The following LRRC24 variants were observed in gnomAD, a reference collection of about 807,000 sequenced individuals.
LRRC24 encodes leucine rich repeat containing 24, also known as leucine-rich repeat-containing protein 24.
LRRC24 carries 19 observed loss-of-function variants against 15.3 expected under a neutral mutation model. The ratio of observed to expected loss-of-function variants is 1.25; its 90% CI spans 0.87 to 1.83. The LOEUF is 1.83. Ranked by LOEUF, LRRC24 falls within the 40% of genes most tolerant of loss-of-function variation. The pLI is 0.00. For synonymous variants in LRRC24, 469 were observed against 359.6 expected (o/e 1.30, Z -3.44); for missense variants, 914 against 723.9 (o/e 1.26, Z -3.01).
At chr8:144,525,196 G>T in intron 1 of LRRC24, 163 bp from the exon 2 acceptor site, 4 of 445,066 alleles carry the variant, frequency 9.0e-6, no homozygotes, top group Non-Finnish European at 1.5e-5. Flanking sequence ...TTAAAGCTCT[G>T]GGGCATCAGG....
At position 144,524,649 on chromosome 8, in the gene LRRC24, C is replaced by G. The variant is rs1409127006; in HGVS notation, c.230G>C (p.Arg77Pro). The change falls in exon 3 of 5, where the codon CGC becomes CCC. Residue 77 changes from arginine to proline, a missense_variant. Transcript: ENST00000529415. ...GCTGTTGTTGTGCAGGTAGAGCCGG[C>G]GCAGAGCGGCGAGTGGCGCCAGGGC... ...PGALAPLAAL[R>P]RLYLHNNSLR... 2.0e-6 allele frequency: 3 copies of G among 1,502,966 alleles called. No homozygotes were observed. Among genetic ancestry groups the G allele is most frequent in the Non-Finnish European group, 2.6e-6 (3 of 1,135,632 alleles). The allele number at this position is 1,502,966 out of a possible 1,614,324, so 93.1% of individuals were successfully genotyped here.
Position 144,524,334 on chromosome 8 carries a change from C to T in LRRC24, c.439-56G>A, listed in dbSNP as rs553235565. The T allele has an allele frequency of 1.2e-4, 190 of 1,600,490 alleles. No individual in the cohort carries two copies. In the South Asian group the frequency reaches 2.0e-3, roughly 17 times the overall value. On this transcript the variant is annotated intron_variant, in intron 3 of 4. Coordinates refer to ENST00000529415, the MANE Select transcript of LRRC24 (RefSeq NM_001024678.4). The stretch of plus-strand genomic sequence containing the variant: ...AAGGGCGCCGAGGTTGGGGGCATGT[C>T]TCTCTTCTTACCAAGCTAGACTGGG...
Position 144,522,546 on chromosome 8 carries a change from A to C in LRRC24, c.1471T>G (p.Cys491Gly). 11 of 1,531,580 alleles carry C rather than the reference A, an allele frequency of 7.2e-6. No individual in the cohort carries two copies. The highest frequency in any genetic ancestry group is 8.8e-6 in the Non-Finnish European group (10 of 1,141,508). The allele number at this position is 1,531,580 out of a possible 1,614,324, so 94.9% of individuals were successfully genotyped here. The change falls in exon 5 of 5, where the codon TGC becomes GGC. Residue 491 changes from cysteine to glycine, a missense_variant. Physicochemically the swap from Cys to Gly is radical, Grantham distance 159 (BLOSUM62 -3). Transcript: ENST00000529415. ...AEGPAEAPAD[C>G]GPEQGAGPGL... The stretch of plus-strand genomic sequence containing the variant: ...GGCCCCGCCCCCTGTTCCGGGCCGC[A>C]GTCAGCGGGCGCCTCCGCCGGACCC...
At chr8:144,525,384 C>T (rs1022464431) in intron 1 of LRRC24, among the ~76,000 whole-genome samples, 2 of 152,220 alleles carry the variant, frequency 1.3e-5, no homozygotes, top group Admixed American at 1.3e-4. Context: ...AGGCAAGTGG[C>T]TGCTGCTTGG....
chr8:144,522,662 C>T lies in LRRC24; in HGVS notation c.1355G>A (p.Gly452Asp). The T allele has an allele frequency of 6.3e-7, 1 of 1,592,718 alleles. No individual in the cohort carries two copies. Among genetic ancestry groups the T allele is most frequent in the Non-Finnish European group, 8.5e-7 (1 of 1,171,082 alleles). Reference sequence around the variant, plus strand: ...CTCTAGCTGTGCGAACGTACAGGGGCCGTCCAAGTAGTCGTTGACGAACAG... The same window carrying T: ...CTCTAGCTGTGCGAACGTACAGGGGTCGTCCAAGTAGTCGTTGACGAACAG... ...GALFVNDYLD[G>D]PCTFAQLEEL... The change falls in exon 5 of 5, where the codon GGC becomes GAC. Residue 452 changes from glycine to aspartate, a missense_variant. Transcript: ENST00000529415.
rs764477885 is a variant in LRRC24 at position 144,522,668 on chromosome 8, AAGT to A, written c.1346_1348del (p.Tyr449del). On this transcript the variant is annotated inframe_deletion, in exon 5 of 5. Coordinates refer to ENST00000529415, the MANE Select transcript of LRRC24 (RefSeq NM_001024678.4). Reference sequence around the variant, plus strand: ...CTGTGCGAACGTACAGGGGCCGTCCAAGTAGTCGTTGACGAACAGCGCTCCCTC... The same window carrying A: ...CTGTGCGAACGTACAGGGGCCGTCCAAGTCGTTGACGAACAGCGCTCCCTC... 3.8e-6 allele frequency: 6 copies of A among 1,594,852 alleles called. No individual in the cohort carries two copies. The highest frequency in any genetic ancestry group is 1.7e-4 in the Middle Eastern group (1 of 6,014).
Position 144,524,601 on chromosome 8 carries a change from G to T in LRRC24, c.278C>A (p.Ala93Asp), listed in dbSNP as rs1564825563. 10 of 1,528,674 alleles carry T rather than the reference G, an allele frequency of 6.5e-6. No homozygotes were observed. Among genetic ancestry groups the T allele is most frequent in the Non-Finnish European group, 8.7e-6 (10 of 1,146,720 alleles). 94.7% of individuals were successfully genotyped at this position (1,528,674 alleles called of 1,614,324 possible). Reference protein sequence around the residue: ...NNSLRALEAGAFRAQPRLLEL... With the variant: ...NNSLRALEAGDFRAQPRLLEL... ...CAGCAGGCGCGGCTGCGCGCGGAAG[G>T]CGCCGGCCTCCAGGGCGCGCAGGCT... The change falls in exon 3 of 5, where the codon GCC (alanine) becomes GAC (aspartate). Residue 93 changes from alanine (A) to aspartate (D), a missense_variant. By Grantham distance (126) the Ala-to-Asp change is moderately radical. Transcript: ENST00000529415.
In LRRC24 at chr8:144,522,550, A is replaced by C. The variant is rs1194283760; in HGVS notation, c.1467T>G (p.Ala489=). Residue 489 remains alanine (A), a synonymous_variant, in exon 5 of 5, where the codon GCT becomes GCG. Coordinates refer to ENST00000529415, the MANE Select transcript of LRRC24 (RefSeq NM_001024678.4). ...LFAEGPAEAP[A]DCGPEQGAGP... is the part of the protein sequence containing the mutation. ...CCGCCCCCTGTTCCGGGCCGCAGTC[A>C]GCGGGCGCCTCCGCCGGACCCTCGG... 3 of 1,534,460 alleles carry C rather than the reference A, an allele frequency of 2.0e-6. No individual in the cohort carries two copies. The highest frequency in any genetic ancestry group is 1.7e-6 in the Non-Finnish European group (2 of 1,142,928).
At position 144,523,079 on chromosome 8, in the gene LRRC24, C is replaced by G; in HGVS notation, c.938G>C (p.Gly313Ala). ...CGAGTGTCCGCCCAGGCCCAGCAAC[C>G]CGCCTTCTAGCTGGGCCTGGGCTCG... ...RPRAQAQLEG[G>A]LLGLGGHSAS... The change falls in exon 5 of 5, where the codon GGG (glycine) becomes GCG (alanine). Residue 313 changes from glycine (G) to alanine (A), a missense_variant. By Grantham distance (60) the Gly-to-Ala change is moderately conservative. Transcript: ENST00000529415. 1.9e-6 allele frequency: 3 copies of G among 1,608,046 alleles called. No homozygotes were observed. The highest frequency in any genetic ancestry group is 2.5e-6 in the Non-Finnish European group (3 of 1,179,018).
Position 144,522,560 on chromosome 8 carries a change from T to G in LRRC24, c.1457A>C (p.Glu486Ala). The change falls in exon 5 of 5, where the codon GAG becomes GCG. Residue 486 changes from glutamate (E) to alanine (A), a missense_variant. Transcript: ENST00000529415. ...SKPLFAEGPAEAPADCGPEQG... is the reference protein window; with the variant it reads ...SKPLFAEGPAAAPADCGPEQG... ...TTCCGGGCCGCAGTCAGCGGGCGCC[T>G]CCGCCGGACCCTCGGCGAAGAGCGG... The G allele has an allele frequency of 6.5e-7, 1 of 1,541,750 alleles. No homozygotes were observed. The highest frequency in any genetic ancestry group is 8.7e-7 in the Non-Finnish European group (1 of 1,146,936).
intron 4 of LRRC24, 157 bp from the exon 5 acceptor site, chr8:144,523,566 C>G: frequency 1.6e-6 from 2 of 1,212,830 alleles, no homozygotes; most frequent in Non-Finnish European, 2.1e-6. Flanking sequence ...TGACCCCAAG[C>G]TCCTTGGGGC....
rs573061722 is a variant in LRRC24 at position 144,524,507 on chromosome 8, C to T, written c.372G>A (p.Leu124=). The change falls in exon 3 of 5, where the codon CTG becomes CTA. Residue 124 remains leucine, a synonymous_variant. Coordinates refer to ENST00000529415, the MANE Select transcript of LRRC24 (RefSeq NM_001024678.4). The part of the protein sequence containing the change: ...RSGAFVGLAQ[L]RVLYLAGNQL... ...GGTTGCCCGCCAGGTAGAGCACGCG[C>T]AGCTGGGCCAGGCCTACGAAGGCGC... 24 of 1,596,334 alleles carry T rather than the reference C, an allele frequency of 1.5e-5. No homozygotes were observed. The Admixed American group carries it at 3.3e-4, about 22-fold the overall frequency.
In LRRC24 at chr8:144,524,851, G is replaced by T; in HGVS notation, c.124C>A (p.Arg42Ser). Reference protein sequence around the residue: ...ATVECGALRLRVVPLGIPPGT... With the variant: ...ATVECGALRLSVVPLGIPPGT... The stretch of plus-strand genomic sequence containing the variant: ...GGCGGGATTCCCAGCGGGACGACGC[G>T]CAACCGCAGGGCGCCACACTCCACC... Residue 42 changes from arginine to serine, a missense_variant, in exon 2 of 5, where the codon CGC (arginine) becomes AGC (serine). By Grantham distance (110) the Arg-to-Ser change is moderately radical (BLOSUM62 -1). Transcript: ENST00000529415. 6.7e-7 allele frequency: 1 copy of T among 1,488,522 alleles called. No individual in the cohort carries two copies. Among genetic ancestry groups the T allele is most frequent in the South Asian group, 1.2e-5 (1 of 80,736 alleles). 92.2% of individuals were successfully genotyped at this position (1,488,522 alleles called of 1,614,324 possible). A position where few individuals can be genotyped will look rare whatever the true frequency, so the allele number is the denominator to read the frequency against.
In LRRC24 at chr8:144,522,502, CG is replaced by C. The variant is rs1816143519; in HGVS notation, c.1514del (p.Pro505ArgfsTer?). 6.7e-7 allele frequency: 1 copy of C among 1,494,654 alleles called. No individual in the cohort carries two copies. Among genetic ancestry groups the C allele is most frequent in the Non-Finnish European group, 8.9e-7 (1 of 1,127,844 alleles). The allele number at this position is 1,494,654 out of a possible 1,614,324, so 92.6% of individuals were successfully genotyped here. A position where few individuals can be genotyped will look rare whatever the true frequency, so the allele number is the denominator to read the frequency against. On this transcript the variant is annotated frameshift_variant, in exon 5 of 5. Transcript: ENST00000529415. LOFTEE classifies it high-confidence loss of function. ...QGAGPGLRVP[P>X]PVAYEIHC ...AGCAGTGGATCTCGTAGGCGACCGG[CG>C]GGGGCACGCGGAGTCCCGGCCCCGC... is the stretch of plus-strand genomic sequence containing the variant.
Position 144,522,784 on chromosome 8 carries a change from G to T in LRRC24, c.1233C>A (p.Ile411=). The T allele has an allele frequency of 1.3e-6, 2 of 1,554,492 alleles. No homozygotes were observed. The highest frequency in any genetic ancestry group is 1.7e-6 in the Non-Finnish European group (2 of 1,154,484). The change falls in exon 5 of 5, where the codon ATC becomes ATA. Residue 411 remains isoleucine, a synonymous_variant. Transcript: ENST00000529415. ...GCAGCGCCGTGAGCGCCAGCAGCGC[G>T]ATGGCCGCCGCAATGGCCGTCTGTG... ...VATQTAIAAA[I]ALLALTALLL...
In LRRC24 at chr8:144,524,799, C is replaced by A; in HGVS notation, c.159+17G>T. ...CTGGGGGCACCCCGTCCTCCCGCAG[C>A]TCCACACGGTGCCCACCTGCGTCCC... On this transcript the variant is annotated intron_variant, in intron 2 of 4. Coordinates refer to ENST00000529415, the MANE Select transcript of LRRC24 (RefSeq NM_001024678.4). 1 of 1,447,478 alleles carries A rather than the reference C, an allele frequency of 6.9e-7. No individual in the cohort carries two copies. 89.7% of individuals were successfully genotyped at this position (1,447,478 alleles called of 1,614,324 possible).
chr8:144,522,475 C>T lies in LRRC24; in HGVS notation c.1542G>A (p.Ter514=), dbSNP rs886082820. 4.1e-6 allele frequency: 6 copies of T among 1,473,946 alleles called. No individual in the cohort carries two copies. The highest frequency in any genetic ancestry group is 1.5e-5 in the African/African-American group (1 of 68,390). The allele number at this position is 1,473,946 out of a possible 1,614,324, so 91.3% of individuals were successfully genotyped here. Residue 514 remains the stop codon, a stop_retained_variant, in exon 5 of 5, where the codon TAG becomes TAA. Coordinates refer to ENST00000529415, the MANE Select transcript of LRRC24 (RefSeq NM_001024678.4). ...PPPVAYEIHC[*] is the part of the protein sequence containing the mutation. ...CCACGTCATCCGCGCGCCCGCGGCC[C>T]TAGCAGTGGATCTCGTAGGCGACCG...
At chr8:144,524,300 G>A (rs765886031) in intron 3 of LRRC24, 22 bp from the exon 4 acceptor site, 10 of 1,609,054 alleles carry the variant, frequency 6.2e-6, no homozygotes, top group Non-Finnish European at 8.5e-6. Context: ...ACAGCAGATC[G>A]TGAGGAAAAA....
In LRRC24 at chr8:144,522,765, C is replaced by T. The variant is rs1425630158; in HGVS notation, c.1252G>A (p.Ala418Thr). ...CAGATCATGGCGACCAGGAGCAGCG[C>T]CGTGAGCGCCAGCAGCGCGATGGCC... ...AAAIALLALT[A>T]LLLVAMICRR... is the part of the protein sequence containing the mutation. Residue 418 changes from alanine (A) to threonine (T), a missense_variant, in exon 5 of 5, where the codon GCG becomes ACG. Coordinates refer to ENST00000529415, the MANE Select transcript of LRRC24 (RefSeq NM_001024678.4). 2 of 1,574,664 alleles carry T rather than the reference C, an allele frequency of 1.3e-6. No homozygotes were observed. Among genetic ancestry groups the T allele is most frequent in the Non-Finnish European group, 1.7e-6 (2 of 1,163,332 alleles).
Sources: gnomAD v4.1 joint callset for allele counts (sites outside exome capture counted in the v4.1 genomes callset) on GRCh38, gnomAD v4.1.1 for gene constraint, MANE v1.5 for transcripts, NCBI Gene and HGNC (gene_info 2026-07-23, HGNC 2026-07-21) for gene names.